NIBAN1: variants seen among roughly 807,000 people sequenced by gnomAD.
NIBAN1 encodes protein Niban 1.
Under a neutral mutation model 75.1 loss-of-function variants are expected in NIBAN1, and 81 were observed. That is an observed-to-expected ratio of 1.08 (90% CI 0.90 to 1.30). The LOEUF (loss-of-function observed/expected upper bound fraction) is 1.30, where lower values mean the gene tolerates loss of function less well. NIBAN1 is among the 50% of genes most tolerant of loss of function. The probability of loss-of-function intolerance (pLI) is 0.00; values close to 1 mark genes in which losing one functional copy is unlikely to be tolerated. For synonymous variants in NIBAN1, 436 were observed against 424.8 expected, an observed-to-expected ratio of 1.03 and a Z score of -0.32; for missense variants, 1,133 against 1,128.1, an observed-to-expected ratio of 1.00 and a Z score of -0.06.
At chr1:184,880,682 C>T (rs924027890) in intron 5 of NIBAN1, among the ~76,000 whole-genome samples, 2 of 152,232 alleles carry the variant, frequency 1.3e-5, no homozygotes, top group Non-Finnish European at 2.9e-5. Flanking sequence ...CGATAATGAT[C>T]ATTATTCCAT....
At chr1:184,863,420 G>A (rs1011367566) in intron 5 of NIBAN1, among the ~76,000 whole-genome samples, 11 of 152,196 alleles carry the variant, frequency 7.2e-5, no homozygotes, top group Admixed American at 3.3e-4. Flanking sequence ...GATGCCACCT[G>A]GGGACTTTAA....
At chr1:184,872,303 T>C (rs903683978) in intron 5 of NIBAN1, among the ~76,000 whole-genome samples, 2 of 151,356 alleles carry the variant, frequency 1.3e-5, no homozygotes, top group South Asian at 4.2e-4. Context: ...ATAAGGTTAG[T>C]AATGGATTAA....
At chr1:184,831,267 T>C (rs1017150571) in intron 6 of NIBAN1, among the ~76,000 whole-genome samples, 3 of 152,220 alleles carry the variant, frequency 2.0e-5, no homozygotes, top group African/African-American at 4.8e-5. Flanking sequence ...AAATTAAATA[T>C]ATAGAAAACT....
intron 1 of NIBAN1, among the ~76,000 whole-genome samples, chr1:184,933,768 G>T (rs915929701): frequency 3.3e-5 from 5 of 152,200 alleles, no homozygotes; most frequent in African/African-American, 9.7e-5. Context: ...TTTAAAACAA[G>T]AATTGAATCT....
At chr1:184,934,063 G>C (rs1287059187) in intron 1 of NIBAN1, among the ~76,000 whole-genome samples, 1 of 152,120 alleles carries the variant, frequency 6.6e-6, no homozygotes, top group Admixed American at 6.5e-5. Flanking sequence ...TAAAAGAATG[G>C]AATCAACCTA....
rs10572240 is a variant in NIBAN1 at position 184,839,574 on chromosome 1, C to CGT, written c.602-7614_602-7613dup. Among the ~76,000 whole-genome samples the CGT allele has an allele frequency of 4.3e-4, 64 of 148,560 alleles. No individual in the cohort carries two copies. In the Middle Eastern group the frequency reaches 0.01, roughly 24 times the overall value. Reference sequence around the variant, plus strand: ...GTGTGTGTGTGTGTGTGCACGCGCGCGTGTGTGTGTGTGTTGTTCCATTTA... The same window carrying CGT: ...GTGTGTGTGTGTGTGTGCACGCGCGCGTGTGTGTGTGTGTGTTGTTCCATTTA... On this transcript the variant is annotated intron_variant, in intron 5 of 13. Transcript: ENST00000367511.
At chr1:184,909,290 C>T (rs1657180222) in intron 1 of NIBAN1, among the ~76,000 whole-genome samples, 1 of 152,174 alleles carries the variant, frequency 6.6e-6, no homozygotes, top group African/African-American at 2.4e-5. Context: ...AGGTTTCTCT[C>T]TTATTTTCCT....
chr1:184,858,919 A>G (rs1655745485), intron 5 of NIBAN1, among the ~76,000 whole-genome samples: 1 of 152,076 alleles, frequency 6.6e-6, no homozygotes, highest in African/African-American at 2.4e-5. Flanking sequence ...GAAAAAAAGA[A>G]AAATAGAGAA....
chr1:184,920,611 T>A (rs999128825), intron 1 of NIBAN1, among the ~76,000 whole-genome samples: 1 of 152,190 alleles, frequency 6.6e-6, no homozygotes. Context: ...TGAACTTTTT[T>A]AAGCTTCCAC....
intron 1 of NIBAN1, among the ~76,000 whole-genome samples, chr1:184,930,356 G>C (rs1657787602): frequency 6.6e-6 from 1 of 152,186 alleles, no homozygotes; most frequent in Non-Finnish European, 1.5e-5. Context: ...ACAACATAGA[G>C]AGATGTATCT....
intron 5 of NIBAN1, among the ~76,000 whole-genome samples, chr1:184,832,469 G>C (rs1655024953): frequency 6.6e-6 from 1 of 152,168 alleles, no homozygotes; most frequent in South Asian, 2.1e-4. Flanking sequence ...TTACAAAGCA[G>C]GATAATGTTC....
At chr1:184,874,163 A>G (rs1656177504) in intron 5 of NIBAN1, among the ~76,000 whole-genome samples, 2 of 152,044 alleles carry the variant, frequency 1.3e-5, no homozygotes, top group Admixed American at 6.5e-5. Flanking sequence ...CGAAATAAAA[A>G]TAGAATATAA....
chr1:184,840,773 G>A (rs147480145), intron 5 of NIBAN1, among the ~76,000 whole-genome samples: 57 of 151,100 alleles, frequency 3.8e-4, no homozygotes, highest in African/African-American at 1.4e-3. Context: ...ATAACATCTT[G>A]CATGATTTTG....
In NIBAN1 at chr1:184,894,064, A is replaced by T. The variant is rs1428504588; in HGVS notation, c.318+11T>A. 1 of 1,590,854 alleles carries T rather than the reference A, an allele frequency of 6.3e-7. No homozygotes were observed. The highest frequency in any genetic ancestry group is 8.5e-7 in the Non-Finnish European group (1 of 1,171,452). On this transcript the variant is annotated intron_variant, in intron 3 of 13. Coordinates refer to ENST00000367511, the MANE Select transcript of NIBAN1 (RefSeq NM_052966.4). ...AGTGTAAGAATCAGTAGTAACAAAG[A>T]AGTGTCTTACCTCTTTATTCTCATA...
At chr1:184,971,588 T>G (rs1658937859) in intron 1 of NIBAN1, among the ~76,000 whole-genome samples, 1 of 152,048 alleles carries the variant, frequency 6.6e-6, no homozygotes, top group Non-Finnish European at 1.5e-5. Context: ...GAGAATCACT[T>G]GGACCAGGGA....
At chr1:184,841,454 C>T (rs1164015074) in intron 5 of NIBAN1, among the ~76,000 whole-genome samples, 2 of 152,188 alleles carry the variant, frequency 1.3e-5, no homozygotes, top group East Asian at 1.9e-4. Flanking sequence ...GGCTCTAGCT[C>T]ATGCTGGATA....
intron 1 of NIBAN1, among the ~76,000 whole-genome samples, chr1:184,945,256 T>A (rs1237994241): frequency 6.6e-6 from 1 of 152,162 alleles, no homozygotes; most frequent in African/African-American, 2.4e-5. Flanking sequence ...GCTAGTGAAG[T>A]GAAATAATGA....
intron 5 of NIBAN1, among the ~76,000 whole-genome samples, chr1:184,883,197 G>A (rs1557899389): frequency 6.6e-6 from 1 of 152,208 alleles, no homozygotes; most frequent in African/African-American, 2.4e-5. Flanking sequence ...AGGTGACTCA[G>A]CTCAAATGTC....
At chr1:184,897,673 T>C (rs1019854241) in intron 2 of NIBAN1, among the ~76,000 whole-genome samples, 10 of 152,174 alleles carry the variant, frequency 6.6e-5, no homozygotes, top group African/African-American at 2.2e-4. Flanking sequence ...CATCTCAAAC[T>C]TAACATGGCC....
Sources: gnomAD v4.1 joint callset for allele counts (sites outside exome capture counted in the v4.1 genomes callset) on GRCh38, gnomAD v4.1.1 for gene constraint, MANE v1.5 for transcripts, NCBI Gene and HGNC (gene_info 2026-07-23, HGNC 2026-07-21) for gene names.